PSMD14: variants seen among roughly 807,000 people sequenced by gnomAD.
PSMD14 encodes ubiquitin C-terminal hydrolase PSMD14.
PSMD14 carries 7 observed loss-of-function variants against 41.2 expected under a neutral mutation model. The observed-to-expected ratio is 0.17, with a 90% CI of 0.10 to 0.32. The LOEUF (loss-of-function observed/expected upper bound fraction) is 0.32, where lower values mean the gene tolerates loss of function less well. Ranked by LOEUF, PSMD14 falls within the 10% of genes least tolerant of loss-of-function variation. The probability of loss-of-function intolerance (pLI) is 1.00; values close to 1 mark genes in which losing one functional copy is unlikely to be tolerated. For synonymous variants in PSMD14, 114 were observed against 122.3 expected (o/e 0.93, Z 0.45); for missense variants, 139 against 375.6 (o/e 0.37, Z 5.21).
chr2:161,324,812 A>G (rs1682669657), intron 3 of PSMD14, among the ~76,000 whole-genome samples: 1 of 152,188 alleles, frequency 6.6e-6, no homozygotes. Context: ...CCTTCCAGGC[A>G]TATAACAGGA....
chr2:161,336,515 T>C (rs1682872822), intron 3 of PSMD14, among the ~76,000 whole-genome samples: 1 of 152,200 alleles, frequency 6.6e-6, no homozygotes, highest in Admixed American at 6.5e-5. Flanking sequence ...AGAATTACAT[T>C]GAAGAAGTAA....
intron 2 of PSMD14, among the ~76,000 whole-genome samples, chr2:161,318,471 C>T (rs1265547991): frequency 1.3e-5 from 2 of 152,130 alleles, no homozygotes; most frequent in Non-Finnish European, 1.5e-5. Context: ...TTCAATCATA[C>T]ATATGATAAG....
chr2:161,316,521 A>G lies in PSMD14; in HGVS notation c.-53A>G, dbSNP rs1689149839. On this transcript the variant is annotated 5_prime_UTR_variant, in exon 2 of 12. Coordinates refer to ENST00000409682, the MANE Select transcript of PSMD14 (RefSeq NM_005805.6). ...CTTTCTTTAAGAAGACATTTGTCAA[A>G]CTCAACAAATTGAAGGTTAACACCT... 1 of 152,212 alleles carries G rather than the reference A, an allele frequency of 6.6e-6. No individual in the cohort carries two copies. Among genetic ancestry groups the G allele is most frequent in the Admixed American group, 6.5e-5 (1 of 15,286 alleles). 9.4% of individuals were successfully genotyped at this position (152,212 alleles called of 1,614,324 possible). A position where few individuals can be genotyped will look rare whatever the true frequency, so the allele number is the denominator to read the frequency against.
At chr2:161,334,349 A>T (rs1448995083) in intron 3 of PSMD14, among the ~76,000 whole-genome samples, 2 of 152,202 alleles carry the variant, frequency 1.3e-5, no homozygotes, top group Non-Finnish European at 2.9e-5. Flanking sequence ...TTAAAATTTT[A>T]AAAATTATGT....
chr2:161,346,759 A>G (rs1362412597), intron 3 of PSMD14, among the ~76,000 whole-genome samples: 4 of 151,418 alleles, frequency 2.6e-5, no homozygotes, highest in Admixed American at 6.6e-5. Flanking sequence ...GTCTCTTCTA[A>G]TTTTGTGAAT....
chr2:161,310,186 GA>G (rs1689072759), intron 1 of PSMD14, among the ~76,000 whole-genome samples: 1 of 152,128 alleles, frequency 6.6e-6, no homozygotes, highest in South Asian at 2.1e-4. Context: ...TAATCTGTTT[GA>G]CATGGGTTCA....
chr2:161,337,103 A>G (rs1682882480), intron 3 of PSMD14, among the ~76,000 whole-genome samples: 1 of 152,232 alleles, frequency 6.6e-6, no homozygotes, highest in African/African-American at 2.4e-5. Flanking sequence ...TTAAGAATCA[A>G]TTTCAGGAAT....
At chr2:161,367,327 T>G (rs1221603882) in intron 3 of PSMD14, 151 bp from the exon 4 acceptor site, 2 of 607,708 alleles carry the variant, frequency 3.3e-6, no homozygotes, top group Non-Finnish European at 5.7e-6. Context: ...TTTGCAAATG[T>G]GTTTTGATTA....
intron 3 of PSMD14, among the ~76,000 whole-genome samples, chr2:161,360,606 C>G (rs1219501132): frequency 6.6e-6 from 1 of 152,154 alleles, no homozygotes; most frequent in Admixed American, 6.5e-5. Flanking sequence ...CCGCTTGCCT[C>G]TGCCTCCCAA....
intron 7 of PSMD14, chr2:161,381,448 A>G (rs1683569003): frequency 6.6e-6 from 1 of 151,802 alleles, no homozygotes; most frequent in Admixed American, 6.6e-5. Context: ...AGAGAGAGAG[A>G]AAAAAATTAC....
intron 3 of PSMD14, among the ~76,000 whole-genome samples, chr2:161,364,766 A>C (rs1405213342): frequency 1.3e-5 from 2 of 152,130 alleles, no homozygotes; most frequent in African/African-American, 4.8e-5. Flanking sequence ...GTTCTTGCCC[A>C]CAGTAGTGAA....
intron 8 of PSMD14, among the ~76,000 whole-genome samples, chr2:161,387,303 A>G (rs1191971927): frequency 6.6e-6 from 1 of 152,006 alleles, no homozygotes; most frequent in Admixed American, 6.6e-5. Flanking sequence ...CCTGAAGGGA[A>G]TGGTAATATC....
At chr2:161,323,252 A>G (rs2105232768) in intron 3 of PSMD14, among the ~76,000 whole-genome samples, 1 of 152,266 alleles carries the variant, frequency 6.6e-6, no homozygotes, top group East Asian at 1.9e-4. Context: ...TTCCACACTT[A>G]CTATCTTAAA....
intron 10 of PSMD14, among the ~76,000 whole-genome samples, chr2:161,405,866 A>G (rs1191900077): frequency 6.6e-6 from 1 of 152,206 alleles, no homozygotes; most frequent in East Asian, 1.9e-4. Context: ...GGAAAAAGAA[A>G]CCAAAGAAAT....
At chr2:161,332,857 G>C (rs1403356638) in intron 3 of PSMD14, among the ~76,000 whole-genome samples, 1 of 152,158 alleles carries the variant, frequency 6.6e-6, no homozygotes, top group African/African-American at 2.4e-5. Flanking sequence ...ATTTTGGTTG[G>C]GGATCTGACT....
rs562964787 is a variant in PSMD14 at position 161,339,833 on chromosome 2, A to G, written c.48+20960A>G. Among the ~76,000 whole-genome samples the G allele has an allele frequency of 1.8e-4, 27 of 152,372 alleles. No homozygotes were observed. The South Asian group carries it at 5.4e-3, about 31-fold the overall frequency. ...AGGCCCAGATGAGAAGGCCACTGGG[A>G]ATGCATGCCATAGGGGTTGATGCTG... is the stretch of plus-strand genomic sequence containing the variant. On this transcript the variant is annotated intron_variant, in intron 3 of 11. Transcript: ENST00000409682.
chr2:161,363,653 C>A (rs1683321550), intron 3 of PSMD14, among the ~76,000 whole-genome samples: 1 of 152,196 alleles, frequency 6.6e-6, no homozygotes, highest in South Asian at 2.1e-4. Flanking sequence ...CACAGCCCCA[C>A]ATTTTTCTCA....
At chr2:161,329,992 C>T (rs1037365829) in intron 3 of PSMD14, among the ~76,000 whole-genome samples, 5 of 152,100 alleles carry the variant, frequency 3.3e-5, no homozygotes, top group African/African-American at 1.2e-4. Context: ...GATAGTTAAC[C>T]TGTGTCAGTT....
At chr2:161,389,912 T>TTTTTTTTTTTTTTTTG (rs1299369817) in intron 8 of PSMD14, among the ~76,000 whole-genome samples, 2 of 130,290 alleles carry the variant, frequency 1.5e-5, no homozygotes, top group African/African-American at 3.3e-5. Flanking sequence ...TTTTTTTTTT[T>TTTTTTTTTTTTTTTTG]AGAGATGGGG....
Sources: gnomAD v4.1 joint callset for allele counts (sites outside exome capture counted in the v4.1 genomes callset) on GRCh38, gnomAD v4.1.1 for gene constraint, MANE v1.5 for transcripts, NCBI Gene and HGNC (gene_info 2026-07-23, HGNC 2026-07-21) for gene names.